EYA4: variants seen among roughly 807,000 people sequenced by gnomAD.
The protein encoded by EYA4 is protein phosphatase EYA4.
EYA4 carries 31 observed loss-of-function variants against 87.9 expected under a neutral mutation model. The ratio of observed to expected loss-of-function variants is 0.35; its 90% confidence interval spans 0.27 to 0.48. The LOEUF is 0.48. EYA4 is among the 20% of genes least tolerant of loss of function. EYA4 has a pLI of 0.99. For synonymous variants in EYA4, 263 were observed against 270.6 expected (o/e 0.97, Z 0.28); for missense variants, 678 against 761.4 (o/e 0.89, Z 1.29).
rs533343107 is a variant in EYA4, at chr6:133,250,440, G to C, written c.-66+8691G>C. ...ATGGATCACCTGAAGTCAGGAGTTC[G>C]AGACCAGCCTGACCAAAATGGCAAA... On this transcript the variant is annotated intron_variant, in intron 1 of 19. Transcript: ENST00000355286. Among the ~76,000 whole-genome samples, 79 of 152,002 alleles carry C rather than the reference G, an allele frequency of 5.2e-4. 1 individual carries two copies. The highest frequency in any genetic ancestry group is 4.1e-4 in the Non-Finnish European group (28 of 68,016).
At chr6:133,360,426 G>A (rs1784368892) in intron 2 of EYA4, 1 of 152,182 alleles carries the variant, frequency 6.6e-6, no homozygotes, top group Non-Finnish European at 1.5e-5. Flanking sequence ...ATGCTACTGT[G>A]ACTATGAAAG....
intron 2 of EYA4, among the ~76,000 whole-genome samples, chr6:133,311,491 A>G (rs753538378): frequency 6.6e-6 from 1 of 151,510 alleles, no homozygotes; most frequent in Non-Finnish European, 1.5e-5. Flanking sequence ...ATGCCTGGCT[A>G]ATTTTTTGTG....
In EYA4 at chr6:133,468,732, G is replaced by T. The variant is rs2128674984; in HGVS notation, c.970+1G>T. 1.2e-6 allele frequency: 2 copies of T among 1,612,682 alleles called. No homozygotes were observed. The highest frequency in any genetic ancestry group is 1.7e-6 in the Non-Finnish European group (2 of 1,179,058). ...CTCCCAGGACTGACTAACCAACCAG[G>T]TACAGATCTTCACCCAGGTGAAATA... On this transcript the variant is annotated splice_donor_variant, in intron 11 of 19. Transcript: ENST00000355286. LOFTEE classifies it high-confidence loss of function.
At chr6:133,302,753 A>G (rs1269310542) in intron 2 of EYA4, among the ~76,000 whole-genome samples, 1 of 152,232 alleles carries the variant, frequency 6.6e-6, no homozygotes, top group Non-Finnish European at 1.5e-5. Context: ...ATAATGTGAC[A>G]ATAATAAATT....
intron 1 of EYA4, 89 bp downstream of exon 1, chr6:133,241,838 G>T (rs1017943146): frequency 6.6e-6 from 1 of 152,210 alleles, no homozygotes; most frequent in Non-Finnish European, 1.5e-5. Context: ...GAAAGTGCGC[G>T]AGGCTCCGCC....
intron 2 of EYA4, among the ~76,000 whole-genome samples, chr6:133,315,336 T>C (rs1780541253): frequency 6.6e-6 from 1 of 152,212 alleles, no homozygotes; most frequent in Admixed American, 6.5e-5. Flanking sequence ...TCTGGGAAAG[T>C]TGAAGATTTT....
In EYA4 at chr6:133,461,170, T is replaced by C. The variant is rs1421536947; in HGVS notation, c.427T>C (p.Tyr143His). The change falls in exon 7 of 20, where the codon TAT (tyrosine) becomes CAT (histidine). Residue 143 changes from tyrosine (Y) to histidine (H), a missense_variant. Transcript: ENST00000355286. ...AGCACATCAGTATTCCCCACAGCTG[T>C]ATCCTTCCAAGTAAGTGGTCAGTAG... ...RSAHQYSPQLYPSKPYPHILS... is the reference protein window; with the variant it reads ...RSAHQYSPQLHPSKPYPHILS... The C allele has an allele frequency of 6.2e-7, 1 of 1,610,816 alleles. No individual in the cohort carries two copies. The highest frequency in any genetic ancestry group is 2.2e-5 in the East Asian group (1 of 44,834).
intron 2 of EYA4, among the ~76,000 whole-genome samples, chr6:133,302,796 T>G (rs919078777): frequency 6.6e-6 from 1 of 152,218 alleles, no homozygotes; most frequent in Admixed American, 6.5e-5. Flanking sequence ...TTTTGAAAAG[T>G]TCGTAGAATT....
chr6:133,529,635 T>C lies in EYA4; in HGVS notation c.*830T>C. Reference sequence around the variant, plus strand: ...GCAAGAAACTGAGTATTTTTTGCAATAAGAAAACAACAATAATAAAGGAAA... The same window carrying C: ...GCAAGAAACTGAGTATTTTTTGCAACAAGAAAACAACAATAATAAAGGAAA... On this transcript the variant is annotated 3_prime_UTR_variant, in exon 20 of 20. Transcript: ENST00000355286. The C allele has an allele frequency of 1.0e-6, 1 of 985,302 alleles. No individual in the cohort carries two copies. Among genetic ancestry groups the C allele is most frequent in the Non-Finnish European group, 1.2e-6 (1 of 829,738 alleles). 61.0% of individuals were successfully genotyped at this position (985,302 alleles called of 1,614,324 possible).
chr6:133,299,008 T>C (rs1432621475), intron 2 of EYA4, among the ~76,000 whole-genome samples: 2 of 152,170 alleles, frequency 1.3e-5, no homozygotes, highest in African/African-American at 4.8e-5. Context: ...ATAAATAAAG[T>C]TTCCTAGCAC....
At chr6:133,462,302 T>C in intron 7 of EYA4, 33 bp from the exon 8 acceptor site, 1 of 1,612,852 alleles carries the variant, frequency 6.2e-7, no homozygotes, top group Non-Finnish European at 8.5e-7. Flanking sequence ...ACAGTCTTTG[T>C]TGCCACAGTA....
chr6:133,505,999 C>G (rs1204695617), intron 13 of EYA4, 107 bp from the exon 14 acceptor site: 2 of 756,244 alleles, frequency 2.6e-6, no homozygotes, highest in African/African-American at 3.5e-5. Flanking sequence ...CAGTAAAAAC[C>G]CATGCAGTCT....
intron 1 of EYA4, among the ~76,000 whole-genome samples, chr6:133,242,008 A>G (rs1421517793): frequency 6.6e-6 from 1 of 152,118 alleles, no homozygotes; most frequent in Non-Finnish European, 1.5e-5. Flanking sequence ...CCCAAGCCCC[A>G]AGGGTCCCTT....
chr6:133,313,281 G>A (rs1780374066), intron 2 of EYA4, among the ~76,000 whole-genome samples: 1 of 152,176 alleles, frequency 6.6e-6, no homozygotes, highest in African/African-American at 2.4e-5. Flanking sequence ...TCCAAGCCAA[G>A]CATGCCTCCT....
intron 3 of EYA4, among the ~76,000 whole-genome samples, chr6:133,439,152 A>T (rs183757381): frequency 6.7e-5 from 10 of 149,884 alleles, no homozygotes; most frequent in Admixed American, 5.3e-4. Context: ...TAAGTCTGTT[A>T]TCGGGATGTG....
In EYA4 at chr6:133,530,261, A is replaced by T; in HGVS notation, c.*1456A>T. ...CGTAACAGACTTGCATATGTTTGTT[A>T]GTTTCTGCCTGTATTGTCACTGCGC... On this transcript the variant is annotated 3_prime_UTR_variant, in exon 20 of 20. Transcript: ENST00000355286. 2.0e-6 allele frequency: 2 copies of T among 985,388 alleles called. No individual in the cohort carries two copies. Among genetic ancestry groups the T allele is most frequent in the African/African-American group, 1.7e-5 (1 of 57,340 alleles). 61.0% of individuals were successfully genotyped at this position (985,388 alleles called of 1,614,324 possible). A position where few individuals can be genotyped will look rare whatever the true frequency, so the allele number is the denominator to read the frequency against.
intron 3 of EYA4, among the ~76,000 whole-genome samples, chr6:133,426,460 AT>A (rs928079019): frequency 1.3e-5 from 2 of 152,042 alleles, no homozygotes; most frequent in Admixed American, 6.6e-5. Flanking sequence ...GTCAAAAACC[AT>A]TTAACTTTCT....
intron 19 of EYA4, 138 bp downstream of exon 19, chr6:133,525,392 A>G: frequency 1.3e-6 from 1 of 758,230 alleles, no homozygotes; most frequent in South Asian, 1.5e-5. Flanking sequence ...TGAGAGGGTC[A>G]ATACTTACAT....
intron 13 of EYA4, among the ~76,000 whole-genome samples, chr6:133,493,014 T>A (rs1797320652): frequency 6.6e-6 from 1 of 152,140 alleles, no homozygotes; most frequent in Non-Finnish European, 1.5e-5. Context: ...ATTGTTAAAA[T>A]GTCCGTTTTA....
Sources: gnomAD v4.1 joint callset for allele counts (sites outside exome capture counted in the v4.1 genomes callset) on GRCh38, gnomAD v4.1.1 for gene constraint, MANE v1.5 for transcripts, NCBI Gene and HGNC (gene_info 2026-07-23, HGNC 2026-07-21) for gene names.